PLEKHA5: variants seen among roughly 807,000 people sequenced by gnomAD.
PLEKHA5 encodes pleckstrin homology domain containing A5.
In PLEKHA5, 55 loss-of-function variants were observed where a neutral mutation model predicts 181.9. That is an observed-to-expected ratio of 0.30 (90% CI 0.24 to 0.38). PLEKHA5 has a LOEUF of 0.38. Among genes scored for constraint, PLEKHA5 ranks in the 10% least tolerant of loss-of-function variants. The pLI is 1.00. For missense variants in PLEKHA5, 1,432 were observed against 1,549.5 expected (o/e 0.92, Z 1.27); for synonymous variants, 535 against 529.4 (o/e 1.01, Z -0.15).
intron 29 of PLEKHA5, among the ~76,000 whole-genome samples, chr12:19,362,619 T>TA (rs1359289065): frequency 6.6e-6 from 1 of 151,986 alleles, no homozygotes; most frequent in Non-Finnish European, 1.5e-5. Flanking sequence ...AATGATACCT[T>TA]ACCCCAGGTG....
At chr12:19,212,002 G>C (rs1334852681) in intron 3 of PLEKHA5, among the ~76,000 whole-genome samples, 1 of 152,208 alleles carries the variant, frequency 6.6e-6, no homozygotes, top group Non-Finnish European at 1.5e-5. Flanking sequence ...ACTTCAGCAT[G>C]AGTAACTCCA....
intron 3 of PLEKHA5, among the ~76,000 whole-genome samples, chr12:19,166,590 A>G (rs190195988): frequency 2.4e-4 from 37 of 152,292 alleles, no homozygotes; most frequent in African/African-American, 7.9e-4. Flanking sequence ...CCTGGCACCT[A>G]TGCAAAGATC....
intron 3 of PLEKHA5, among the ~76,000 whole-genome samples, chr12:19,169,927 G>A (rs543019634): frequency 1.2e-4 from 18 of 152,186 alleles, no homozygotes; most frequent in South Asian, 2.1e-4. Flanking sequence ...CCGACTCAAT[G>A]GTGTGCGCTA....
intron 3 of PLEKHA5, among the ~76,000 whole-genome samples, chr12:19,158,331 C>T (rs1274394173): frequency 2.0e-5 from 3 of 151,544 alleles, no homozygotes; most frequent in Non-Finnish European, 4.4e-5. Context: ...CCAGCCTGGG[C>T]GACAGAGTGA....
chr12:19,189,728 TAA>T (rs1288825112), intron 3 of PLEKHA5, among the ~76,000 whole-genome samples: 2 of 152,188 alleles, frequency 1.3e-5, no homozygotes, highest in Non-Finnish European at 2.9e-5. Flanking sequence ...TTCAGACCAT[TAA>T]ACAGACTGCT....
intron 3 of PLEKHA5, among the ~76,000 whole-genome samples, chr12:19,211,322 A>G (rs1217694051): frequency 1.3e-5 from 2 of 152,096 alleles, no homozygotes; most frequent in Non-Finnish European, 2.9e-5. Flanking sequence ...TGATTAAATT[A>G]AGGACTTTGA....
intron 17 of PLEKHA5, 79 bp downstream of exon 17, chr12:19,320,135 AC>A: frequency 1.8e-6 from 1 of 542,616 alleles, no homozygotes; most frequent in Non-Finnish European, 3.1e-6. Context: ...TTGAGTGTAC[AC>A]ATACACAGTG....
chr12:19,155,513 T>G (rs2041475128), intron 3 of PLEKHA5, among the ~76,000 whole-genome samples: 1 of 152,222 alleles, frequency 6.6e-6, no homozygotes, highest in Non-Finnish European at 1.5e-5. Context: ...AATTTTTATA[T>G]AAGCCTAGGA....
intron 8 of PLEKHA5, among the ~76,000 whole-genome samples, chr12:19,266,491 A>AG: frequency 1.3e-5 from 2 of 152,160 alleles, no homozygotes; most frequent in Middle Eastern, 6.8e-3. Context: ...CTCAAAAAAA[A>AG]ATTATTAATA....
chr12:19,176,012 T>G (rs1467833523), intron 3 of PLEKHA5, among the ~76,000 whole-genome samples: 1 of 152,204 alleles, frequency 6.6e-6, no homozygotes, highest in Non-Finnish European at 1.5e-5. Flanking sequence ...CCTTTTGAAT[T>G]CTGTAATTCT....
intron 3 of PLEKHA5, among the ~76,000 whole-genome samples, chr12:19,140,884 G>A (rs1243377253): frequency 6.6e-6 from 1 of 152,116 alleles, no homozygotes; most frequent in African/African-American, 2.4e-5. Flanking sequence ...TGCCTCCTGG[G>A]TTCAAGTGAT....
chr12:19,195,141 C>T lies in PLEKHA5; in HGVS notation c.228-58799C>T, dbSNP rs189503033. On this transcript the variant is annotated intron_variant, in intron 3 of 31. Transcript: ENST00000429027. ...CCTCTGAACCTTGGAGTTCAACTTG[C>T]GCAAAGTTAGTAACAGGACTAGGAC... is the stretch of plus-strand genomic sequence containing the variant. Among the ~76,000 whole-genome samples, 24 of 152,096 alleles carry T rather than the reference C, an allele frequency of 1.6e-4. No individual in the cohort carries two copies. In the East Asian group the frequency reaches 2.1e-3, roughly 14 times the overall value.
At chr12:19,301,700 G>C (rs969405668) in intron 15 of PLEKHA5, among the ~76,000 whole-genome samples, 2 of 152,136 alleles carry the variant, frequency 1.3e-5, no homozygotes, top group African/African-American at 2.4e-5. Context: ...TATAACAATA[G>C]TAATGTTTGC....
At chr12:19,200,311 C>A in intron 3 of PLEKHA5, 1 of 1,522,120 alleles carries the variant, frequency 6.6e-7, no homozygotes, top group Non-Finnish European at 8.8e-7. Context: ...TTTTTTTATC[C>A]TTTATCCTTC....
At chr12:19,221,275 C>T (rs1441667985) in intron 3 of PLEKHA5, among the ~76,000 whole-genome samples, 2 of 152,092 alleles carry the variant, frequency 1.3e-5, no homozygotes, top group African/African-American at 4.8e-5. Context: ...AATAAATAAA[C>T]TGTGGTATAT....
At chr12:19,249,144 G>T (rs2064558848) in intron 3 of PLEKHA5, among the ~76,000 whole-genome samples, 1 of 152,088 alleles carries the variant, frequency 6.6e-6, no homozygotes. Flanking sequence ...GCCAGACTGG[G>T]CAACCCAGCA....
intron 21 of PLEKHA5, among the ~76,000 whole-genome samples, chr12:19,341,044 G>C (rs1202084439): frequency 1.3e-5 from 2 of 152,140 alleles, no homozygotes; most frequent in Non-Finnish European, 2.9e-5. Flanking sequence ...GGCCAAGTCA[G>C]ACAGATCACT....
At chr12:19,330,792 C>G (rs778800010) in intron 20 of PLEKHA5, among the ~76,000 whole-genome samples, 15 of 151,930 alleles carry the variant, frequency 9.9e-5, no homozygotes, top group Non-Finnish European at 1.8e-4. Context: ...ATTTTTTTGC[C>G]TGATCCTCGA....
chr12:19,191,973 C>G (rs1299361139), intron 3 of PLEKHA5, among the ~76,000 whole-genome samples: 1 of 152,074 alleles, frequency 6.6e-6, no homozygotes, highest in South Asian at 2.1e-4. Flanking sequence ...AAAGGCCAGC[C>G]TTGATTCATT....
Sources: allele counts gnomAD v4.1 joint callset (sites outside exome capture counted in the v4.1 genomes callset), GRCh38; gene constraint gnomAD v4.1.1; transcripts MANE v1.5; gene names NCBI Gene and HGNC (gene_info 2026-07-23, HGNC 2026-07-21).